PROSER3: variants seen among roughly 807,000 people sequenced by gnomAD.
PROSER3 encodes proline and serine rich 3.
In PROSER3, 33 loss-of-function variants were observed where a neutral mutation model predicts 50.2. The observed-to-expected ratio is 0.66, with a 90% confidence interval of 0.50 to 0.88. PROSER3 has a LOEUF of 0.88. Among genes scored for constraint, PROSER3 ranks in the 40% least tolerant of loss-of-function variants. The probability of loss-of-function intolerance (pLI) is 0.00; values close to 1 mark genes in which losing one functional copy is unlikely to be tolerated. For missense variants in PROSER3, 623 were observed against 612.7 expected, an observed-to-expected ratio of 1.02 and a Z score of -0.18; for synonymous variants, 266 against 259.3, an observed-to-expected ratio of 1.03 and a Z score of -0.25.
exon 11 of PROSER3, chr19:35,768,774 C>CAGGGGTTCA: frequency 2.3e-6 from 1 of 434,172 alleles, no homozygotes; most frequent in Non-Finnish European, 3.9e-6. Flanking sequence ...GAGGGAGTTT[C>CAGGGGTTCA]AGACAAGACT....
chr19:35,764,783 G>T, intron 5 of PROSER3, 71 bp from the exon 6 acceptor site: 1 of 1,379,388 alleles, frequency 7.2e-7, no homozygotes, highest in South Asian at 1.2e-5. Flanking sequence ...TGCATTCCAG[G>T]CCCTCTGTTT....
intron 5 of PROSER3, among the ~76,000 whole-genome samples, chr19:35,763,808 CTTTT>C (rs74172759): frequency 2.3e-5 from 3 of 130,576 alleles, no homozygotes; most frequent in Admixed American, 7.8e-5. Context: ...GCCCGGCCTT[CTTTT>C]TTTTTTTTTT....
At chr19:35,764,580 C>T (rs1455224898) in intron 5 of PROSER3, among the ~76,000 whole-genome samples, 2 of 151,638 alleles carry the variant, frequency 1.3e-5, no homozygotes, top group Non-Finnish European at 2.9e-5. Flanking sequence ...TGCTTGAACC[C>T]AGGAGATGGA....
At chr19:35,768,560 A>G (rs1971251925) in exon 11 of PROSER3, 3 of 1,547,948 alleles carry the variant, frequency 1.9e-6, no homozygotes, top group African/African-American at 1.4e-5. Flanking sequence ...TACAGATTCT[A>G]TTTTACCCAG....
exon 11 of PROSER3, chr19:35,769,032 G>A (rs1971267043): frequency 6.5e-6 from 1 of 152,792 alleles, no homozygotes. Context: ...CTAGTCACTA[G>A]CCCAGCATGT....
chr19:35,760,429 G>A (rs1032966769), intron 3 of PROSER3, among the ~76,000 whole-genome samples: 7 of 152,102 alleles, frequency 4.6e-5, no homozygotes, highest in South Asian at 2.1e-4. Flanking sequence ...CAGGCCAGAC[G>A]TACCATGCCC....
chr19:35,767,484 C>T (rs1442584291), intron 8 of PROSER3: 2 of 386,048 alleles, frequency 5.2e-6, no homozygotes, highest in East Asian at 5.1e-5. Context: ...GCATCCCCAG[C>T]TGTCCCCCAG....
chr19:35,765,536 C>T (rs377661666), intron 7 of PROSER3, among the ~76,000 whole-genome samples: 3 of 151,046 alleles, frequency 2.0e-5, no homozygotes, highest in East Asian at 2.0e-4. Flanking sequence ...GCCGAGATTG[C>T]GCCATTGCAC....
At chr19:35,770,498 A>G (rs1314060510), downstream of PROSER3, among the ~76,000 whole-genome samples, 1 of 152,196 alleles carries the variant, frequency 6.6e-6, no homozygotes, top group Non-Finnish European at 1.5e-5. Flanking sequence ...GGCAGAGTCT[A>G]TGTCCCTTCA....
At chr19:35,764,546 C>A (rs538396558) in intron 5 of PROSER3, among the ~76,000 whole-genome samples, 1 of 151,964 alleles carries the variant, frequency 6.6e-6, no homozygotes, top group African/African-American at 2.4e-5. Context: ...ATCCCAGGTA[C>A]TTGGGAGGCT....
At chr19:35,764,228 C>T (rs1361970342) in intron 5 of PROSER3, among the ~76,000 whole-genome samples, 1 of 152,152 alleles carries the variant, frequency 6.6e-6, no homozygotes, top group Non-Finnish European at 1.5e-5. Flanking sequence ...ATTGCTCCAT[C>T]AGAAGCCCCA....
At chr19:35,766,686 G>GA (rs1336519953) in intron 7 of PROSER3, 82 bp from the exon 8 acceptor site, 11 of 959,136 alleles carry the variant, frequency 1.1e-5, no homozygotes, top group Non-Finnish European at 1.7e-5. Flanking sequence ...TGCACAGTTG[G>GA]AGGGCGTGTG....
rs373898342 is a variant in PROSER3, at chr19:35,762,070, G to A, written c.363G>A (p.Gln121=). The A allele has an allele frequency of 8.7e-6, 14 of 1,611,278 alleles. No homozygotes were observed. The African/African-American group carries it at 9.3e-5, about 11-fold the overall frequency. ...AGCCCACCAGTCGAGAGGAGCGCCA[G>A]CCTGCAGGCCCAACCCCAGCTGACT... The change falls in exon 4 of 11, where the codon CAG becomes CAA. Residue 121 remains glutamine, a synonymous_variant. Coordinates refer to ENST00000396908, the Ensembl canonical transcript of PROSER3.
At chr19:35,759,746 G>T in intron 2 of PROSER3, 43 bp from the exon 3 acceptor site, 1 of 1,511,952 alleles carries the variant, frequency 6.6e-7, no homozygotes, top group Non-Finnish European at 9.0e-7. Flanking sequence ...GATGACCCAT[G>T]AGACCTCACA....
chr19:35,760,029 G>A (rs761705128), intron 3 of PROSER3, 38 bp downstream of exon 3: 1 of 1,492,410 alleles, frequency 6.7e-7, no homozygotes, highest in Non-Finnish European at 9.0e-7. Context: ...AGAGGCTTTG[G>A]GTTAGAGGGA....
Position 35,762,301 on chromosome 19 carries a change from C to T in PROSER3, c.488C>T (p.Ala163Val), listed in dbSNP as rs373377430. The change falls in exon 5 of 11, where the codon GCG becomes GTG. Residue 163 changes from alanine to valine, a missense_variant. Ala to Val is a moderately conservative substitution (Grantham distance 64). Around this residue, in one of 3 missense-constraint regions of PROSER3, gnomAD observed 236 missense variants for 243.6 expected, o/e 0.97. Transcript: ENST00000396908. Reference sequence around the variant, plus strand: ...AGACCCCATACAGCTGTCCCTACTGCGGTCAACGTGACCAGTGCATCCCAT... The same window carrying T: ...AGACCCCATACAGCTGTCCCTACTGTGGTCAACGTGACCAGTGCATCCCAT... 3.8e-5 allele frequency: 61 copies of T among 1,611,482 alleles called. No homozygotes were observed. The highest frequency in any genetic ancestry group is 1.7e-4 in the African/African-American group (13 of 74,978).
rs768363446 is a variant in PROSER3, at chr19:35,768,073, C to G, written c.1219+8C>G. 25 of 1,584,478 alleles carry G rather than the reference C, an allele frequency of 1.6e-5. No homozygotes were observed. The highest frequency in any genetic ancestry group is 2.1e-5 in the Non-Finnish European group (24 of 1,165,254). On this transcript the variant is annotated splice_region_variant and intron_variant, in intron 9 of 10. Coordinates refer to ENST00000396908, the Ensembl canonical transcript of PROSER3. The stretch of plus-strand genomic sequence containing the variant: ...TGCTGCAGGCTGCAGAAGGTGATGC[C>G]CGCGCCCTCCTGGATGTTGGAGGCA...
exon 1 of PROSER3, chr19:35,758,194 G>A: frequency 6.4e-7 from 1 of 1,558,634 alleles, no homozygotes; most frequent in Non-Finnish European, 8.7e-7. Flanking sequence ...AGAGCGGCCG[G>A]AAGCGCGGAG....
exon 2 of PROSER3, chr19:35,759,465 C>T (rs1442245943): frequency 6.2e-7 from 1 of 1,611,928 alleles, no homozygotes; most frequent in Non-Finnish European, 8.5e-7. Context: ...GACCTGGTGT[C>T]CCAAGGTGAG....
Sources: allele counts gnomAD v4.1 joint callset (sites outside exome capture counted in the v4.1 genomes callset), GRCh38; gene constraint gnomAD v4.1.1; regional missense constraint gnomAD v4.1.1; transcripts MANE v1.5; gene names NCBI Gene and HGNC (gene_info 2026-07-23, HGNC 2026-07-21).